TRPC3: variants seen among roughly 807,000 people sequenced by gnomAD.
TRPC3 encodes transient receptor potential cation channel subfamily C member 3.
In TRPC3, 54 loss-of-function variants were observed where a neutral mutation model predicts 90.9. That is an observed-to-expected ratio of 0.59 (90% CI 0.48 to 0.75). The LOEUF is 0.75. TRPC3 is among the 30% of genes least tolerant of loss of function. The pLI is 0.00. For synonymous variants in TRPC3, 424 were observed against 450.9 expected, an observed-to-expected ratio of 0.94 and a Z score of 0.75; for missense variants, 918 against 1,194.5, an observed-to-expected ratio of 0.77 and a Z score of 3.41.
intron 10 of TRPC3, among the ~76,000 whole-genome samples, chr4:121,883,005 T>C (rs937073460): frequency 6.6e-5 from 10 of 152,108 alleles, no homozygotes; most frequent in Non-Finnish European, 1.3e-4. Flanking sequence ...TATTTTGTTA[T>C]ATTGCATACG....
In TRPC3 at chr4:121,914,081, C is replaced by T. The variant is rs141253891; in HGVS notation, c.1341+699G>A. 1.6e-3 allele frequency among the ~76,000 whole-genome samples: 246 copies of T among 152,342 alleles called. 1 individual carries two copies. Among genetic ancestry groups the T allele is most frequent in the African/African-American group, 5.5e-3 (228 of 41,578 alleles). On this transcript the variant is annotated intron_variant, in intron 4 of 11. Coordinates refer to ENST00000379645, the MANE Select transcript of TRPC3 (RefSeq NM_001130698.2). The stretch of plus-strand genomic sequence containing the variant: ...CTGGCATGAATAGTATTCCTTTCCA[C>T]ATCTTGCTAGGGGATCTCTTGGGCA...
chr4:121,886,769 T>C (rs1728134847), intron 10 of TRPC3, among the ~76,000 whole-genome samples: 1 of 152,152 alleles, frequency 6.6e-6, no homozygotes, highest in Non-Finnish European at 1.5e-5. Flanking sequence ...ATATCTTCTC[T>C]TGTAGGTTTC....
Position 121,899,641 on chromosome 4 carries a change from T to A in TRPC3, c.2518A>T (p.Ser840Cys). The change falls in exon 10 of 12, where the codon AGC becomes TGC. Residue 840 changes from serine (S) to cysteine (C), a missense_variant. By Grantham distance (112) the Ser-to-Cys change is moderately radical. Around this residue, in one of 4 missense-constraint regions of TRPC3, gnomAD observed 121 missense variants for 135.7 expected, o/e 0.89. Coordinates refer to ENST00000379645, the MANE Select transcript of TRPC3 (RefSeq NM_001130698.2). ...TAACGTGTTGGCTGATTGAGAATGCTGTTAAAACTGTGTGATTCAAAAACT... is the reference window on the plus strand; with the variant it reads ...TAACGTGTTGGCTGATTGAGAATGCAGTTAAAACTGTGTGATTCAAAAACT... The part of the protein sequence containing the change: ...SRVFESHSFN[S>C]ILNQPTRYQQ... 6.2e-7 allele frequency: 1 copy of A among 1,613,662 alleles called. No homozygotes were observed. The highest frequency in any genetic ancestry group is 8.5e-7 in the Non-Finnish European group (1 of 1,179,740).
At chr4:121,899,060 C>T (rs541690216) in intron 10 of TRPC3, among the ~76,000 whole-genome samples, 33 of 152,140 alleles carry the variant, frequency 2.2e-4, no homozygotes, top group South Asian at 1.0e-3. Context: ...AAATGATCAA[C>T]GAGATGAAAA....
At chr4:121,930,830 T>TAAAA (rs71599162) in intron 2 of TRPC3, 222 of 204,150 alleles carry the variant, frequency 1.1e-3, no homozygotes, top group Middle Eastern at 2.7e-3. Context: ...CTCTGAGATC[T>TAAAA]AAAAAAAAAA....
Position 121,932,546 on chromosome 4 carries a change from T to G in TRPC3, c.712A>C (p.Ile238Leu). 1 of 1,614,152 alleles carries G rather than the reference T, an allele frequency of 6.2e-7. No individual in the cohort carries two copies. Among genetic ancestry groups the G allele is most frequent in the Non-Finnish European group, 8.5e-7 (1 of 1,180,020 alleles). ...TATTTCTGGCAGTGCGCCGCCAGGA[T>G]GATGGGGGTGATGTCCGGCGAGAAG... ...TRFSPDITPI[I>L]LAAHCQKYEV... Residue 238 changes from isoleucine to leucine, a missense_variant, in exon 2 of 12, where the codon ATC becomes CTC. By Grantham distance (5) the Ile-to-Leu change is conservative. Transcript: ENST00000379645. This position sits in a 1 kb window ranked among gnomAD's most constrained non-coding sequence, Gnocchi z 7.7.
Position 121,910,450 on chromosome 4 carries a change from T to C in TRPC3, c.1559-63A>G. ...ACAGGCCAGACTGAGAAGCCATTATTGTGTCCACCATCAGGTCACATCTCT... is the reference window on the plus strand; with the variant it reads ...ACAGGCCAGACTGAGAAGCCATTATCGTGTCCACCATCAGGTCACATCTCT... On this transcript the variant is annotated intron_variant, in intron 5 of 11. Transcript: ENST00000379645. 4 of 1,324,940 alleles carry C rather than the reference T, an allele frequency of 3.0e-6. No homozygotes were observed. The Admixed American group carries it at 5.1e-5, about 17-fold the overall frequency. The allele number at this position is 1,324,940 out of a possible 1,614,324, so 82.1% of individuals were successfully genotyped here.
At chr4:121,930,681 GGC>G in intron 2 of TRPC3, 1 of 268,180 alleles carries the variant, frequency 3.7e-6, no homozygotes, top group Non-Finnish European at 7.3e-6. Context: ...AGATTTGTGT[GGC>G]ATTTGAAATA....
chr4:121,938,497 G>C (rs1452519088), intron 1 of TRPC3, among the ~76,000 whole-genome samples: 1 of 152,180 alleles, frequency 6.6e-6, no homozygotes, highest in African/African-American at 2.4e-5. Flanking sequence ...TAGCTGGGTT[G>C]TTGTAACAGC....
intron 1 of TRPC3, among the ~76,000 whole-genome samples, chr4:121,946,217 C>T (rs955815979): frequency 6.6e-6 from 1 of 152,124 alleles, no homozygotes; most frequent in African/African-American, 2.4e-5. Context: ...AAGTGTCCAG[C>T]TCAGGTGATG....
At position 121,878,284 on chromosome 4, in the gene TRPC3, T is replaced by C. The variant is rs1372777806; in HGVS notation, c.*1452A>G. On this transcript the variant is annotated 3_prime_UTR_variant, in exon 12 of 12. Coordinates refer to ENST00000379645, the MANE Select transcript of TRPC3 (RefSeq NM_001130698.2). ...TTAAGAAATAATCTTTAAAGAGCTT[T>C]ATGTAGTTCCATTTAACACTTATTT... 1.3e-5 allele frequency among the ~76,000 whole-genome samples: 2 copies of C among 152,246 alleles called. No individual in the cohort carries two copies. The highest frequency in any genetic ancestry group is 2.9e-5 in the Non-Finnish European group (2 of 68,042).
intron 10 of TRPC3, among the ~76,000 whole-genome samples, chr4:121,899,285 C>T (rs1728621500): frequency 6.6e-6 from 1 of 152,166 alleles, no homozygotes; most frequent in Non-Finnish European, 1.5e-5. Flanking sequence ...TCTTCTACTG[C>T]TTTCTCCAGT....
Position 121,877,262 on chromosome 4 carries a change from G to A in TRPC3, c.*2474C>T, listed in dbSNP as rs1192070808. ...AGATTTGGATGTGGTGACTCATTAA[G>A]GGGATGCTCTCTGGAGAAAGGGAAG... On this transcript the variant is annotated 3_prime_UTR_variant, in exon 12 of 12. Coordinates refer to ENST00000379645, the MANE Select transcript of TRPC3 (RefSeq NM_001130698.2). 6.6e-6 allele frequency among the ~76,000 whole-genome samples: 1 copy of A among 152,196 alleles called. No homozygotes were observed. Among genetic ancestry groups the A allele is most frequent in the Non-Finnish European group, 1.5e-5 (1 of 68,028 alleles).
At chr4:121,899,423 T>A (rs1478089606) in intron 10 of TRPC3, among the ~76,000 whole-genome samples, 189 bp downstream of exon 10, 1 of 152,124 alleles carries the variant, frequency 6.6e-6, no homozygotes, top group Non-Finnish European at 1.5e-5. Flanking sequence ...ACATACTATT[T>A]TCTTTTATTT....
At chr4:121,888,420 T>C (rs1360712034) in intron 10 of TRPC3, among the ~76,000 whole-genome samples, 1 of 152,196 alleles carries the variant, frequency 6.6e-6, no homozygotes, top group Non-Finnish European at 1.5e-5. Flanking sequence ...GAAACATTTT[T>C]TGAGTCTTAT....
In TRPC3 at chr4:121,877,423, G is replaced by T. The variant is rs1727793282; in HGVS notation, c.*2313C>A. Among the ~76,000 whole-genome samples, 1 of 152,138 alleles carries T rather than the reference G, an allele frequency of 6.6e-6. No individual in the cohort carries two copies. The highest frequency in any genetic ancestry group is 1.9e-4 in the East Asian group (1 of 5,196). ...TAGTTGGCCCCATCTTGAGACAAGG[G>T]GCCAGCCCTTTGTGCCCCCACCCAT... On this transcript the variant is annotated 3_prime_UTR_variant, in exon 12 of 12. Coordinates refer to ENST00000379645, the MANE Select transcript of TRPC3 (RefSeq NM_001130698.2).
At position 121,879,652 on chromosome 4, in the gene TRPC3, A is replaced by T; in HGVS notation, c.*84T>A. 1 of 1,462,956 alleles carries T rather than the reference A, an allele frequency of 6.8e-7. No individual in the cohort carries two copies. Among genetic ancestry groups the T allele is most frequent in the Non-Finnish European group, 9.2e-7 (1 of 1,085,146 alleles). 90.6% of individuals were successfully genotyped at this position (1,462,956 alleles called of 1,614,324 possible). ...AAGGTAGTTAATACTAAAAATTTACATCATAGTTTTTCAAGTATTTCATAC... is the reference window on the plus strand; with the variant it reads ...AAGGTAGTTAATACTAAAAATTTACTTCATAGTTTTTCAAGTATTTCATAC... On this transcript the variant is annotated 3_prime_UTR_variant, in exon 12 of 12. Coordinates refer to ENST00000379645, the MANE Select transcript of TRPC3 (RefSeq NM_001130698.2).
chr4:121,902,961 C>T lies in TRPC3; in HGVS notation c.2354G>A (p.Ser785Asn), dbSNP rs201837224. Residue 785 changes from serine (S) to asparagine (N), a missense_variant, in exon 9 of 12, where the codon AGT becomes AAT. By Grantham distance (46) the Ser-to-Asn change is conservative. Around this residue, in one of 4 missense-constraint regions of TRPC3, gnomAD observed 121 missense variants for 135.7 expected, o/e 0.89. Transcript: ENST00000379645. ...GATGAAATAAACAAATGATTTTGGA[C>T]TAGGAACTAGACTGAAAGGTGGAGG... Reference protein sequence around the residue: ...TLPPPFSLVPSPKSFVYFIMR... With the variant: ...TLPPPFSLVPNPKSFVYFIMR... The T allele has an allele frequency of 1.2e-6, 2 of 1,613,284 alleles. No individual in the cohort carries two copies. The highest frequency in any genetic ancestry group is 1.7e-6 in the Non-Finnish European group (2 of 1,179,766).
intron 6 of TRPC3, among the ~76,000 whole-genome samples, chr4:121,908,920 C>T (rs758863830): frequency 5.9e-5 from 9 of 152,054 alleles, no homozygotes; most frequent in Non-Finnish European, 1.0e-4. Context: ...TCAGACACTG[C>T]TTTCAATGAT....
Sources: allele counts gnomAD v4.1 joint callset (sites outside exome capture counted in the v4.1 genomes callset), GRCh38; gene constraint gnomAD v4.1.1; regional missense constraint gnomAD v4.1.1; non-coding constraint Gnocchi (gnomAD v3.1); transcripts MANE v1.5; gene names NCBI Gene and HGNC (gene_info 2026-07-23, HGNC 2026-07-21).